The following GRAP2 variants were observed in gnomAD, a reference collection of about 807,000 sequenced individuals.
GRAP2 encodes GRB2 related adaptor protein 2.
Under a neutral mutation model 43.5 loss-of-function variants are expected in GRAP2, and 31 were observed. The ratio of observed to expected loss-of-function variants is 0.71; its 90% CI spans 0.54 to 0.96. The LOEUF is 0.96. Ranked by LOEUF, GRAP2 falls within the 40% of genes least tolerant of loss-of-function variation. The pLI, the probability that GRAP2 is intolerant of heterozygous loss-of-function variation, is 0.00. For missense variants in GRAP2, 371 were observed against 424.4 expected, an observed-to-expected ratio of 0.87 and a Z score of 1.11; for synonymous variants, 156 against 164.8, an observed-to-expected ratio of 0.95 and a Z score of 0.41.
At position 39,960,117 on chromosome 22, in the gene GRAP2, GCTT is replaced by G; in HGVS notation, c.238_240del (p.Phe80del). On this transcript the variant is annotated inframe_deletion, in exon 4 of 8. Transcript: ENST00000344138. ...AACTTACTCATGGGCAAGGAGGTTG[GCTT>G]CTTCATCATCCGGGCCAGCCAGAGC... is the stretch of plus-strand genomic sequence containing the variant. 4 of 1,613,056 alleles carry G rather than the reference GCTT, an allele frequency of 2.5e-6. No homozygotes were observed. The highest frequency in any genetic ancestry group is 3.4e-6 in the Non-Finnish European group (4 of 1,179,014).
In GRAP2 at chr22:39,971,138, A is replaced by G. The variant is rs2067239315; in HGVS notation, c.*54A>G. ...TGGAGCTGCCCACAAGAAAGAGGGC[A>G]AGGAAAAAAGGCTGGACTCCATGAC... On this transcript the variant is annotated 3_prime_UTR_variant, in exon 8 of 8. Coordinates refer to ENST00000344138, the MANE Select transcript of GRAP2 (RefSeq NM_004810.4). 1.5e-6 allele frequency: 2 copies of G among 1,378,734 alleles called. No homozygotes were observed. The highest frequency in any genetic ancestry group is 2.0e-5 in the Admixed American group (1 of 48,866). The allele number at this position is 1,378,734 out of a possible 1,614,324, so 85.4% of individuals were successfully genotyped here.
intron 1 of GRAP2, among the ~76,000 whole-genome samples, chr22:39,908,792 A>G (rs141163050): frequency 3.9e-5 from 6 of 152,280 alleles, no homozygotes; most frequent in East Asian, 1.9e-4. Flanking sequence ...TTGTGCTTCA[A>G]ATTTTCTAAG....
chr22:39,971,451 C>A lies in GRAP2; in HGVS notation c.*367C>A, dbSNP rs533562772. 25 of 222,432 alleles carry A rather than the reference C, an allele frequency of 1.1e-4. No homozygotes were observed. In the Middle Eastern group the frequency reaches 7.6e-3, roughly 68 times the overall value. The allele number at this position is 222,432 out of a possible 1,614,324, so 13.8% of individuals were successfully genotyped here. On this transcript the variant is annotated 3_prime_UTR_variant, in exon 8 of 8. Transcript: ENST00000344138. ...GAACAGCTAAGCAGAGACCACACCT[C>A]GGCACTGGACACAGAACAACAGGGT... is the stretch of plus-strand genomic sequence containing the variant.
chr22:39,950,297 T>C (rs2066968670), intron 2 of GRAP2, among the ~76,000 whole-genome samples: 1 of 152,212 alleles, frequency 6.6e-6, no homozygotes, highest in African/African-American at 2.4e-5. Context: ...TCCAGGCACT[T>C]ATGACTTTGC....
At chr22:39,902,046 C>CA (rs1223657004) in intron 1 of GRAP2, among the ~76,000 whole-genome samples, 2 of 151,912 alleles carry the variant, frequency 1.3e-5, no homozygotes, top group South Asian at 2.1e-4. Flanking sequence ...GGTATACTGT[C>CA]AAAAAAAATT....
intron 1 of GRAP2, among the ~76,000 whole-genome samples, chr22:39,906,175 A>C (rs182603210): frequency 6.6e-6 from 1 of 152,304 alleles, no homozygotes; most frequent in African/African-American, 2.4e-5. Flanking sequence ...ATTTTGATAT[A>C]ATCAGGAGGG....
chr22:39,914,301 C>A (rs763472953), intron 1 of GRAP2, among the ~76,000 whole-genome samples: 5 of 152,160 alleles, frequency 3.3e-5, no homozygotes, highest in Non-Finnish European at 7.4e-5. Flanking sequence ...GAGCACTAGT[C>A]CTTAGGCTAA....
chr22:39,967,131 T>G (rs768549979), intron 5 of GRAP2, among the ~76,000 whole-genome samples: 6 of 152,182 alleles, frequency 3.9e-5, no homozygotes, highest in Non-Finnish European at 8.8e-5. Context: ...GAAAAGATAT[T>G]GAGACTGTGA....
At chr22:39,964,497 G>A in intron 4 of GRAP2, 1 of 1,035,336 alleles carries the variant, frequency 9.7e-7, no homozygotes, top group African/African-American at 1.6e-5. Flanking sequence ...AGAAACTCGA[G>A]GTGCTAAAAG....
chr22:39,966,781 C>T (rs1395949700), intron 5 of GRAP2, among the ~76,000 whole-genome samples: 1 of 152,170 alleles, frequency 6.6e-6, no homozygotes, highest in African/African-American at 2.4e-5. Context: ...CTGCTTTAAT[C>T]GCTTAGCTAC....
intron 1 of GRAP2, among the ~76,000 whole-genome samples, chr22:39,904,181 G>A (rs2066509357): frequency 6.6e-6 from 1 of 152,180 alleles, no homozygotes; most frequent in South Asian, 2.1e-4. Flanking sequence ...CTGAGGTCAG[G>A]AGTTGGAGAC....
chr22:39,934,519 T>C (rs1218302613), intron 1 of GRAP2, among the ~76,000 whole-genome samples: 4 of 152,202 alleles, frequency 2.6e-5, no homozygotes, highest in Non-Finnish European at 4.4e-5. Context: ...TACAAATCCA[T>C]GCCCGAATGA....
chr22:39,932,755 T>A (rs1408241676), intron 1 of GRAP2, among the ~76,000 whole-genome samples: 1 of 151,896 alleles, frequency 6.6e-6, no homozygotes, highest in African/African-American at 2.4e-5. Context: ...TAACAACTAT[T>A]GAATTATTGA....
chr22:39,901,271 G>A lies in GRAP2; in HGVS notation c.-74G>A, dbSNP rs1569188599. 4.7e-6 allele frequency: 6 copies of A among 1,282,760 alleles called. No homozygotes were observed. The highest frequency in any genetic ancestry group is 5.1e-6 in the Non-Finnish European group (5 of 982,890). 79.5% of individuals were successfully genotyped at this position (1,282,760 alleles called of 1,614,324 possible). A position where few individuals can be genotyped will look rare whatever the true frequency, so the allele number is the denominator to read the frequency against. ...AATTTGTCTCCCTTCTTGCCAGAAA[G>A]GATTCTAATAACTCGGTGTCAAAGC... is the stretch of plus-strand genomic sequence containing the variant. On this transcript the variant is annotated 5_prime_UTR_variant, in exon 1 of 8. Coordinates refer to ENST00000344138, the MANE Select transcript of GRAP2 (RefSeq NM_004810.4).
intron 1 of GRAP2, among the ~76,000 whole-genome samples, chr22:39,932,699 C>T (rs900361510): frequency 1.4e-5 from 2 of 140,812 alleles, no homozygotes; most frequent in African/African-American, 5.3e-5. Context: ...GCCTGGGCCA[C>T]AGAATGATAC....
chr22:39,933,077 G>A (rs191983531), intron 1 of GRAP2, among the ~76,000 whole-genome samples: 37 of 152,350 alleles, frequency 2.4e-4, no homozygotes, highest in Non-Finnish European at 4.9e-4. Context: ...CATGGGGTAT[G>A]AGGGGGGCAG....
chr22:39,972,581 G>C lies in GRAP2; in HGVS notation c.*1497G>C, dbSNP rs1045519831. ...CTTCCCCAACCTCTCTTGCTCTAAGGAGGGATGGGGTTGGGGGCAGCCGTT... is the reference window on the plus strand; with the variant it reads ...CTTCCCCAACCTCTCTTGCTCTAAGCAGGGATGGGGTTGGGGGCAGCCGTT... On this transcript the variant is annotated 3_prime_UTR_variant, in exon 8 of 8. Coordinates refer to ENST00000344138, the MANE Select transcript of GRAP2 (RefSeq NM_004810.4). 6.6e-6 allele frequency: 1 copy of C among 152,260 alleles called. No individual in the cohort carries two copies. Among genetic ancestry groups the C allele is most frequent in the African/African-American group, 2.4e-5 (1 of 41,466 alleles). 9.4% of individuals were successfully genotyped at this position (152,260 alleles called of 1,614,324 possible).
rs944340089 is a variant in GRAP2 at position 39,971,844 on chromosome 22, C to G, written c.*760C>G. The G allele has an allele frequency of 4.6e-5, 7 of 152,186 alleles. No individual in the cohort carries two copies. The highest frequency in any genetic ancestry group is 1.9e-4 in the East Asian group (1 of 5,194). The allele number at this position is 152,186 out of a possible 1,614,324, so 9.4% of individuals were successfully genotyped here. ...GCTTACTCAGTGGAACCTCTGTTTC[C>G]CCAGCTATGAAGGAAATAGCATCCT... On this transcript the variant is annotated 3_prime_UTR_variant, in exon 8 of 8. Transcript: ENST00000344138.
At chr22:39,963,413 T>A (rs547262556) in intron 4 of GRAP2, among the ~76,000 whole-genome samples, 1 of 152,306 alleles carries the variant, frequency 6.6e-6, no homozygotes, top group East Asian at 1.9e-4. Context: ...TCTGAGTTCT[T>A]TGAGGTGGTG....
Sources: gnomAD v4.1 joint callset for allele counts (sites outside exome capture counted in the v4.1 genomes callset) on GRCh38, gnomAD v4.1.1 for gene constraint, MANE v1.5 for transcripts, NCBI Gene and HGNC (gene_info 2026-07-23, HGNC 2026-07-21) for gene names.